The following PLAAT1 variants were observed in gnomAD, a reference collection of about 807,000 sequenced individuals.
PLAAT1 encodes the protein phospholipase A and acyltransferase 1, also known as H-REV107 protein-related protein.
Under a neutral mutation model 16.4 loss-of-function variants are expected in PLAAT1, and 13 were observed. The observed-to-expected ratio is 0.79, with a 90% CI of 0.52 to 1.26. PLAAT1 has a LOEUF of 1.26. Among genes scored for constraint, PLAAT1 ranks in the 50% most tolerant of loss-of-function variants. PLAAT1 has a pLI of 0.00. For missense variants in PLAAT1, 218 were observed against 207.8 expected (o/e 1.05, Z -0.30); for synonymous variants, 73 against 78.4 (o/e 0.93, Z 0.36).
intron 3 of PLAAT1, among the ~76,000 whole-genome samples, chr3:193,264,333 C>A (rs4414793): frequency 6.6e-6 from 1 of 152,094 alleles, no homozygotes; most frequent in East Asian, 1.9e-4. Flanking sequence ...CCTACTTATC[C>A]TGCCCTATAC....
chr3:193,244,559 ATGTAT>A (rs1715908761), intron 1 of PLAAT1, among the ~76,000 whole-genome samples: 1 of 152,140 alleles, frequency 6.6e-6, no homozygotes, highest in African/African-American at 2.4e-5. Flanking sequence ...AATCAAACTA[ATGTAT>A]TAGTTCATTT....
At chr3:193,271,521 T>C (rs1239317732), downstream of PLAAT1, among the ~76,000 whole-genome samples, 1 of 152,206 alleles carries the variant, frequency 6.6e-6, no homozygotes, top group Non-Finnish European at 1.5e-5. Context: ...ATTCTCTCAT[T>C]TTATTATGTG....
chr3:193,261,016 CTTTG>C (rs1230243718), intron 2 of PLAAT1, among the ~76,000 whole-genome samples: 1 of 152,078 alleles, frequency 6.6e-6, no homozygotes, highest in Non-Finnish European at 1.5e-5. Context: ...CATTTAAATG[CTTTG>C]TTTTTCTGTA....
At chr3:193,249,953 A>C (rs1319445321) in intron 1 of PLAAT1, among the ~76,000 whole-genome samples, 2 of 152,146 alleles carry the variant, frequency 1.3e-5, no homozygotes, top group African/African-American at 4.8e-5. Context: ...TCCCTGTCAG[A>C]TAAATCACAT....
At chr3:193,264,092 T>C (rs1014950680) in intron 3 of PLAAT1, among the ~76,000 whole-genome samples, 12 of 152,206 alleles carry the variant, frequency 7.9e-5, no homozygotes, top group Admixed American at 6.5e-4. Flanking sequence ...TGAAAACTTT[T>C]TAAAAGGCAA....
rs141071906 is a variant in PLAAT1, at chr3:193,253,315, A to G, written c.1-2336A>G. On this transcript the variant is annotated intron_variant, in intron 1 of 3. Coordinates refer to ENST00000264735, the MANE Select transcript of PLAAT1 (RefSeq NM_020386.5). ...AACTTAACAGTTTATGAATCAATTTATATGTCAAATTGAAAATTTGTTAAA... is the reference window on the plus strand; with the variant it reads ...AACTTAACAGTTTATGAATCAATTTGTATGTCAAATTGAAAATTTGTTAAA... 9.2e-5 allele frequency among the ~76,000 whole-genome samples: 14 copies of G among 152,336 alleles called. No homozygotes were observed. The East Asian group carries it at 2.5e-3, about 27-fold the overall frequency.
At chr3:193,262,467 A>G (rs1444007084) in intron 2 of PLAAT1, among the ~76,000 whole-genome samples, 1 of 151,920 alleles carries the variant, frequency 6.6e-6, no homozygotes, top group Non-Finnish European at 1.5e-5. Context: ...TTGGACCCCA[A>G]ATTGATGCCT....
At chr3:193,251,007 G>C (rs1481523043) in intron 1 of PLAAT1, among the ~76,000 whole-genome samples, 1 of 152,128 alleles carries the variant, frequency 6.6e-6, no homozygotes, top group Non-Finnish European at 1.5e-5. Flanking sequence ...GCGAGCAGGG[G>C]AAAGAAGTGC....
intron 3 of PLAAT1, among the ~76,000 whole-genome samples, chr3:193,268,882 G>A (rs1307757835): frequency 1.3e-5 from 2 of 152,062 alleles, no homozygotes; most frequent in Admixed American, 6.6e-5. Context: ...TCTAGCTGGG[G>A]CCACACCATC....
At position 193,270,753 on chromosome 3, in the gene PLAAT1, A is replaced by G. The variant is rs762940551; in HGVS notation, c.*48A>G. ...TATTGAAGGAATTTGGGAGGAGGAA[A>G]AGAAACCTGGGGTGAATACTTATTT... On this transcript the variant is annotated 3_prime_UTR_variant, in exon 4 of 4. Transcript: ENST00000264735. The G allele has an allele frequency of 1.9e-6, 3 of 1,597,604 alleles. No individual in the cohort carries two copies. In the Admixed American group the frequency reaches 5.2e-5, roughly 28 times the overall value.
At chr3:193,271,755 T>C (rs1716988145), downstream of PLAAT1, among the ~76,000 whole-genome samples, 1 of 152,118 alleles carries the variant, frequency 6.6e-6, no homozygotes, top group South Asian at 2.1e-4. Flanking sequence ...GTTGATACAG[T>C]GAGAAAGCTA....
intron 3 of PLAAT1, among the ~76,000 whole-genome samples, chr3:193,265,736 T>G (rs1463726571): frequency 6.6e-6 from 1 of 151,264 alleles, no homozygotes; most frequent in Non-Finnish European, 1.5e-5. Flanking sequence ...AATTGGAAAT[T>G]CATTCTCATT....
intron 2 of PLAAT1, among the ~76,000 whole-genome samples, chr3:193,259,758 C>T (rs1716515063): frequency 6.6e-6 from 1 of 152,126 alleles, no homozygotes. Flanking sequence ...ATTCCATGCT[C>T]ACGGATTGGA....
upstream of PLAAT1, chr3:193,241,138 GGGC>G: frequency 9.1e-7 from 1 of 1,096,170 alleles, no homozygotes; most frequent in Non-Finnish European, 1.1e-6. Context: ...GCGGGCGGGC[GGGC>G]GAAGCTGGGC....
At chr3:193,277,906 A>G (rs1717297910), downstream of PLAAT1, among the ~76,000 whole-genome samples, 1 of 152,116 alleles carries the variant, frequency 6.6e-6, no homozygotes, top group Non-Finnish European at 1.5e-5. Context: ...GCTCACTGCA[A>G]CATTCTCCTG....
intron 3 of PLAAT1, among the ~76,000 whole-genome samples, chr3:193,268,823 C>T (rs938215498): frequency 1.3e-5 from 2 of 152,136 alleles, no homozygotes; most frequent in African/African-American, 4.8e-5. Flanking sequence ...CTTTCATTAA[C>T]ATCTTGTGTT....
chr3:193,251,610 T>C (rs1027744763), intron 1 of PLAAT1, among the ~76,000 whole-genome samples: 10 of 152,238 alleles, frequency 6.6e-5, no homozygotes, highest in African/African-American at 2.2e-4. Context: ...AAAGGGATGG[T>C]AAAAGTTGAA....
downstream of PLAAT1, chr3:193,275,424 C>G (rs1406211141): frequency 9.0e-7 from 1 of 1,111,738 alleles, no homozygotes; most frequent in Non-Finnish European, 1.3e-6. Flanking sequence ...ATTGCTGTTG[C>G]ATCTACCTCT....
chr3:193,240,816 G>T (rs554444890), upstream of PLAAT1, among the ~76,000 whole-genome samples: 1 of 152,148 alleles, frequency 6.6e-6, no homozygotes, highest in East Asian at 1.9e-4. Context: ...CTTTCTTGGG[G>T]TGCAGGTACC....
Sources: gnomAD v4.1 joint callset for allele counts (sites outside exome capture counted in the v4.1 genomes callset) on GRCh38, gnomAD v4.1.1 for gene constraint, MANE v1.5 for transcripts, NCBI Gene and HGNC (gene_info 2026-07-23, HGNC 2026-07-21) for gene names.